Variants in PLCL2 observed in about 807,000 individuals in gnomAD.
PLCL2 encodes phospholipase C like 2, also known as inactive phospholipase C-like protein 2.
Under a neutral mutation model 79.6 loss-of-function variants are expected in PLCL2, and 4 were observed. The ratio of observed to expected loss-of-function variants is 0.05; its 90% CI spans 0.02 to 0.11. PLCL2 has a LOEUF of 0.11. PLCL2 is among the 10% of genes least tolerant of loss of function. PLCL2 has a pLI of 1.00. For synonymous variants in PLCL2, 484 were observed against 457.7 expected, an observed-to-expected ratio of 1.06 and a Z score of -0.73; for missense variants, 895 against 1,291.0, an observed-to-expected ratio of 0.69 and a Z score of 4.70.
At chr3:17,049,557 T>C (rs781701598) in intron 4 of PLCL2, among the ~76,000 whole-genome samples, 18 of 151,978 alleles carry the variant, frequency 1.2e-4, no homozygotes, top group Non-Finnish European at 2.1e-4. Flanking sequence ...GAAAAGGAAA[T>C]TTAAAAAGTA....
rs552658900 is a variant in PLCL2 at position 17,008,676 on chromosome 3, T to A, written c.328-998T>A. On this transcript the variant is annotated intron_variant, in intron 1 of 5. Coordinates refer to ENST00000615277, the MANE Select transcript of PLCL2 (RefSeq NM_001144382.2). The stretch of plus-strand genomic sequence containing the variant: ...GAAACAGGGCCTGTTTCATGGTGTA[T>A]GACCTGTACAGTTGCACAGGCTTCA... Among the ~76,000 whole-genome samples the A allele has an allele frequency of 2.0e-4, 30 of 152,208 alleles. 1 individual carries two copies. Among genetic ancestry groups the A allele is most frequent in the Admixed American group, 1.6e-3 (25 of 15,288 alleles).
chr3:16,953,860 A>G (rs935214866), intron 1 of PLCL2, among the ~76,000 whole-genome samples: 4 of 152,096 alleles, frequency 2.6e-5, no homozygotes, highest in Non-Finnish European at 4.4e-5. Flanking sequence ...GTTATTTATG[A>G]TGGGTCCCAA....
At chr3:16,920,038 T>G (rs2124933887) in intron 1 of PLCL2, among the ~76,000 whole-genome samples, 1 of 152,294 alleles carries the variant, frequency 6.6e-6, no homozygotes, top group African/African-American at 2.4e-5. Context: ...CCTGACTGCC[T>G]CTGAGAGTAG....
intron 1 of PLCL2, among the ~76,000 whole-genome samples, chr3:16,989,567 T>A (rs1476783038): frequency 6.6e-6 from 1 of 152,158 alleles, no homozygotes; most frequent in Non-Finnish European, 1.5e-5. Context: ...ATTATTGAAG[T>A]TTATTTTACC....
intron 1 of PLCL2, among the ~76,000 whole-genome samples, chr3:16,908,529 T>A (rs937315388): frequency 2.0e-5 from 3 of 152,222 alleles, no homozygotes; most frequent in African/African-American, 7.2e-5. Flanking sequence ...ATCCCTGGAT[T>A]AGCTGAGAGC....
At chr3:16,941,329 T>C (rs1697678456) in intron 1 of PLCL2, among the ~76,000 whole-genome samples, 1 of 152,218 alleles carries the variant, frequency 6.6e-6, no homozygotes, top group African/African-American at 2.4e-5. Flanking sequence ...TCTTCCATTT[T>C]TGGCTCTTTT....
At chr3:17,061,432 G>C (rs942137124) in intron 4 of PLCL2, among the ~76,000 whole-genome samples, 3 of 152,100 alleles carry the variant, frequency 2.0e-5, no homozygotes, top group African/African-American at 7.2e-5. Flanking sequence ...AATGTTCTGA[G>C]TTAATTTAAT....
At chr3:16,902,712 A>G (rs1696651582) in intron 1 of PLCL2, among the ~76,000 whole-genome samples, 1 of 151,918 alleles carries the variant, frequency 6.6e-6, no homozygotes, top group South Asian at 2.1e-4. Context: ...CTGTAATCCC[A>G]GCTACTCAGG....
chr3:16,944,923 G>T (rs1369462019), intron 1 of PLCL2, among the ~76,000 whole-genome samples: 1 of 151,686 alleles, frequency 6.6e-6, no homozygotes, highest in East Asian at 1.9e-4. Context: ...CCACACCCGG[G>T]TAATTTTTGT....
intron 1 of PLCL2, among the ~76,000 whole-genome samples, chr3:17,001,172 C>T (rs990826493): frequency 7.2e-5 from 11 of 151,942 alleles, no homozygotes; most frequent in African/African-American, 2.4e-4. Context: ...TGATGCTGAG[C>T]GTTTTTTCAT....
intron 1 of PLCL2, among the ~76,000 whole-genome samples, chr3:16,948,464 T>C (rs2063621523): frequency 6.6e-6 from 1 of 152,216 alleles, no homozygotes. Flanking sequence ...ATTGCAGAAC[T>C]CTGTGAATAT....
intron 1 of PLCL2, among the ~76,000 whole-genome samples, chr3:16,955,296 A>G (rs1249777190): frequency 2.6e-5 from 4 of 152,066 alleles, no homozygotes; most frequent in East Asian, 1.9e-4. Context: ...CTTTCCTCCC[A>G]TTTCTTGTTT....
chr3:16,924,698 T>C (rs1026610422), intron 1 of PLCL2, among the ~76,000 whole-genome samples: 3 of 152,024 alleles, frequency 2.0e-5, no homozygotes, highest in Non-Finnish European at 2.9e-5. Flanking sequence ...AAATGCAGAG[T>C]GATAGATTTC....
At chr3:16,918,567 A>G (rs1358806460) in intron 1 of PLCL2, among the ~76,000 whole-genome samples, 1 of 152,204 alleles carries the variant, frequency 6.6e-6, no homozygotes, top group African/African-American at 2.4e-5. Flanking sequence ...AGTATGCCAC[A>G]GAGAGATGCA....
At chr3:16,947,389 C>T (rs530960661) in intron 1 of PLCL2, among the ~76,000 whole-genome samples, 2 of 152,240 alleles carry the variant, frequency 1.3e-5, no homozygotes, top group African/African-American at 2.4e-5. Flanking sequence ...TCAGGAGAAG[C>T]GATGGTGCAG....
chr3:17,002,819 G>A (rs184043117), intron 1 of PLCL2, among the ~76,000 whole-genome samples: 22 of 151,788 alleles, frequency 1.4e-4, no homozygotes, highest in African/African-American at 5.1e-4. Context: ...TTTTCATTTG[G>A]ATAATTTCTA....
chr3:17,020,578 C>A (rs2064439484), intron 3 of PLCL2, among the ~76,000 whole-genome samples: 1 of 151,896 alleles, frequency 6.6e-6, no homozygotes, highest in Non-Finnish European at 1.5e-5. Flanking sequence ...TCACAAAAGT[C>A]TTGATTTTAA....
chr3:17,014,047 AG>A (rs2064356837), intron 2 of PLCL2, among the ~76,000 whole-genome samples: 1 of 152,336 alleles, frequency 6.6e-6, no homozygotes, highest in Admixed American at 6.5e-5. Context: ...GGCATTTTAT[AG>A]TGTTGAAGGT....
chr3:17,068,866 C>T (rs1302916221), intron 5 of PLCL2, among the ~76,000 whole-genome samples: 3 of 152,084 alleles, frequency 2.0e-5, no homozygotes, highest in African/African-American at 7.2e-5. Flanking sequence ...CAGTGTTACT[C>T]ACAGAGCATA....
Sources: allele counts gnomAD v4.1 joint callset (sites outside exome capture counted in the v4.1 genomes callset), GRCh38; gene constraint gnomAD v4.1.1; transcripts MANE v1.5; gene names NCBI Gene and HGNC (gene_info 2026-07-23, HGNC 2026-07-21).